The following FREM1 variants were observed in gnomAD, a reference collection of about 807,000 sequenced individuals.
FREM1 encodes FRAS1-related extracellular matrix protein 1.
A neutral mutation model predicts 210.1 loss-of-function variants in FREM1; 220 were observed. The observed-to-expected ratio is 1.05, with a 90% confidence interval of 0.94 to 1.17. FREM1 has a LOEUF of 1.17. Among genes scored for constraint, FREM1 ranks in the 50% most tolerant of loss-of-function variants. The pLI is 0.00. For synonymous variants in FREM1, 1,189 were observed against 980.2 expected (o/e 1.21, Z -3.98); for missense variants, 3,454 against 2,675.5 (o/e 1.29, Z -6.42).
At chr9:14,893,115 G>A (rs1470936326) in intron 1 of FREM1, among the ~76,000 whole-genome samples, 1 of 152,124 alleles carries the variant, frequency 6.6e-6, no homozygotes, top group Non-Finnish European at 1.5e-5. Flanking sequence ...TCAGAGAAAG[G>A]AAACCCTGAA....
chr9:14,897,002 G>C (rs994181341), intron 1 of FREM1, among the ~76,000 whole-genome samples: 41 of 152,280 alleles, frequency 2.7e-4, no homozygotes, highest in African/African-American at 9.6e-4. Context: ...GAATATTTTT[G>C]TAAAGAGGTC....
chr9:14,785,751 A>T (rs192733918), intron 23 of FREM1, among the ~76,000 whole-genome samples: 1 of 152,236 alleles, frequency 6.6e-6, no homozygotes, highest in East Asian at 1.9e-4. Flanking sequence ...AACACAGGAC[A>T]ATGGTTGCCA....
chr9:14,779,427 A>G (rs1849281183), intron 24 of FREM1: 8 of 930,512 alleles, frequency 8.6e-6, no homozygotes, highest in Non-Finnish European at 1.0e-5. Flanking sequence ...AAGGGGAGAG[A>G]TGGGACCAGG....
chr9:14,795,699 T>C (rs1268803506), intron 21 of FREM1, among the ~76,000 whole-genome samples: 1 of 152,212 alleles, frequency 6.6e-6, no homozygotes, highest in African/African-American at 2.4e-5. Context: ...AGTGGGTGCC[T>C]AGTGTAAGCT....
chr9:14,797,002 C>A (rs536575922), intron 21 of FREM1, among the ~76,000 whole-genome samples: 1 of 152,244 alleles, frequency 6.6e-6, no homozygotes, highest in South Asian at 2.1e-4. Flanking sequence ...ATATGGAACA[C>A]AGTAGAGAAC....
chr9:14,755,981 G>A (rs1342101738), intron 29 of FREM1, among the ~76,000 whole-genome samples: 1 of 152,122 alleles, frequency 6.6e-6, no homozygotes, highest in African/African-American at 2.4e-5. Context: ...ATTTAGAAAT[G>A]CCCTTTAGGA....
rs1339364364 is a variant in FREM1 at position 14,861,010 on chromosome 9, T to C, written c.330-1526A>G. On this transcript the variant is annotated intron_variant, in intron 3 of 36. Coordinates refer to ENST00000380880, the MANE Select transcript of FREM1 (RefSeq NM_001379081.2). Reference sequence around the variant, plus strand: ...ATATATACATATATATACACATATATACATATATACACATATATACATATA... The same window carrying C: ...ATATATACATATATATACACATATACACATATATACACATATATACATATA... Among the ~76,000 whole-genome samples, 11 of 113,714 alleles carry C rather than the reference T, an allele frequency of 9.7e-5. 2 individuals are homozygous for C. Among genetic ancestry groups the C allele is most frequent in the African/African-American group, 3.7e-4 (8 of 21,530 alleles). 74.6% of individuals were successfully genotyped at this position (113,714 alleles called of 152,430 possible).
chr9:14,872,407 G>A (rs1224693398), intron 1 of FREM1, among the ~76,000 whole-genome samples: 1 of 152,162 alleles, frequency 6.6e-6, no homozygotes, highest in Non-Finnish European at 1.5e-5. Flanking sequence ...TGGATGCCTA[G>A]GCATTTTATC....
chr9:14,771,210 T>C (rs184152852), intron 25 of FREM1, among the ~76,000 whole-genome samples: 1 of 152,276 alleles, frequency 6.6e-6, no homozygotes, highest in East Asian at 1.9e-4. Context: ...AGAGCAGACT[T>C]CATGTTAACT....
chr9:14,875,998 T>C (rs1453884027), intron 1 of FREM1, among the ~76,000 whole-genome samples: 1 of 152,212 alleles, frequency 6.6e-6, no homozygotes, highest in African/African-American at 2.4e-5. Flanking sequence ...CGGATTTTCG[T>C]GAACCGCAAA....
chr9:14,801,860 C>G lies in FREM1; in HGVS notation c.3486G>C (p.Gln1162His). 6.2e-7 allele frequency: 1 copy of G among 1,612,530 alleles called. No homozygotes were observed. Among genetic ancestry groups the G allele is most frequent in the South Asian group, 1.1e-5 (1 of 90,968 alleles). The change falls in exon 20 of 37, where the codon CAG becomes CAC. Residue 1162 changes from glutamine to histidine, a missense_variant. By Grantham distance (24) the Gln-to-His change is conservative. Transcript: ENST00000380880. ...VVQNITVCEGQMKELDSSIIS... is the reference protein window; with the variant it reads ...VVQNITVCEGHMKELDSSIIS... ...TGATGGAAGAGTCCAGCTCTTTCATCTGACCCTCACACACCTGAGCAAGAA... is the reference window on the plus strand; with the variant it reads ...TGATGGAAGAGTCCAGCTCTTTCATGTGACCCTCACACACCTGAGCAAGAA...
At chr9:14,843,143 C>G (rs753243784) in intron 8 of FREM1, among the ~76,000 whole-genome samples, 4 of 152,224 alleles carry the variant, frequency 2.6e-5, no homozygotes, top group Admixed American at 6.5e-5. Context: ...GGGGAATGCT[C>G]TGTCTCTTCT....
At chr9:14,806,243 G>GTGCTT in intron 18 of FREM1, among the ~76,000 whole-genome samples, 1 of 148,908 alleles carries the variant, frequency 6.7e-6, no homozygotes, top group Middle Eastern at 3.4e-3. Context: ...AATACATATG[G>GTGCTT]TGCTTTAAAC....
intron 1 of FREM1, among the ~76,000 whole-genome samples, chr9:14,908,099 C>T (rs1818098108): frequency 6.6e-6 from 1 of 152,128 alleles, no homozygotes; most frequent in Admixed American, 6.5e-5. Context: ...GCTCTGATGG[C>T]CATGTCCAGT....
rs1402156658 is a variant in FREM1, at chr9:14,857,654, T to A, written c.727A>T (p.Met243Leu). ...LKVSCEEFLL[M>L]GLRYQHLDPP... ...TCCAGATGCTGATAACGAAGGCCCA[T>A]CAGCAGGAACTCCTCACAGCTCACT... Residue 243 changes from methionine to leucine, a missense_variant, in exon 5 of 37, where the codon ATG (methionine) becomes TTG (leucine). Met to Leu is a conservative substitution (Grantham distance 15). Coordinates refer to ENST00000380880, the MANE Select transcript of FREM1 (RefSeq NM_001379081.2). 26 of 1,613,834 alleles carry A rather than the reference T, an allele frequency of 1.6e-5. No individual in the cohort carries two copies. Among genetic ancestry groups the A allele is most frequent in the Non-Finnish European group, 2.2e-5 (26 of 1,179,788 alleles).
rs775309261 is a variant in FREM1, at chr9:14,784,467, C to T, written c.4345G>A (p.Gly1449Arg). ...YGQIEYVHYP[G>R]VPITNFSQMD... is the part of the protein sequence containing the mutation. ...TGGCTGAAGTTTGTAATGGGAACTC[C>T]AGGATAGTGAACATATTCGATCTGG... Residue 1449 changes from glycine to arginine, a missense_variant, in exon 24 of 37, where the codon GGA becomes AGA. Gly to Arg is a moderately radical substitution (Grantham distance 125, BLOSUM62 -2). Coordinates refer to ENST00000380880, the MANE Select transcript of FREM1 (RefSeq NM_001379081.2). 2 of 1,613,854 alleles carry T rather than the reference C, an allele frequency of 1.2e-6. No individual in the cohort carries two copies. Among genetic ancestry groups the T allele is most frequent in the Admixed American group, 3.3e-5 (2 of 60,016 alleles).
intron 5 of FREM1, among the ~76,000 whole-genome samples, chr9:14,854,899 C>T (rs1034320996): frequency 6.6e-6 from 1 of 151,944 alleles, no homozygotes; most frequent in Non-Finnish European, 1.5e-5. Flanking sequence ...TTTACAGAAA[C>T]CTATAAAAGA....
intron 25 of FREM1, among the ~76,000 whole-genome samples, chr9:14,772,581 T>C (rs1847777816): frequency 6.6e-6 from 1 of 152,252 alleles, no homozygotes; most frequent in African/African-American, 2.4e-5. Flanking sequence ...TTGTAGTTTA[T>C]GAATTATTTA....
intron 3 of FREM1, 82 bp from the exon 4 acceptor site, chr9:14,859,566 G>C (rs957246305): frequency 2.5e-6 from 3 of 1,220,344 alleles, no homozygotes; most frequent in African/African-American, 1.5e-5. Context: ...GAAGACTAAA[G>C]ATTGGCCTTC....
Sources: allele counts gnomAD v4.1 joint callset (sites outside exome capture counted in the v4.1 genomes callset), GRCh38; gene constraint gnomAD v4.1.1; transcripts MANE v1.5; gene names NCBI Gene and HGNC (gene_info 2026-07-23, HGNC 2026-07-21).